GGH: variants seen among roughly 807,000 people sequenced by gnomAD.
GGH encodes the protein gamma-Glu-X carboxypeptidase.
Under a neutral mutation model 39.2 loss-of-function variants are expected in GGH, and 18 were observed. The ratio of observed to expected loss-of-function variants is 0.46; its 90% confidence interval spans 0.32 to 0.68. The LOEUF (loss-of-function observed/expected upper bound fraction) is 0.68. Among genes scored for constraint, GGH ranks in the 30% least tolerant of loss-of-function variants. GGH has a pLI of 0.04. For synonymous variants in GGH, 147 were observed against 138.8 expected, an observed-to-expected ratio of 1.06 and a Z score of -0.42; for missense variants, 367 against 384.1, an observed-to-expected ratio of 0.96 and a Z score of 0.37.
chr8:63,038,588 C>CGG, intron 1 of GGH, 72 bp downstream of exon 1: 11 of 754,188 alleles, frequency 1.5e-5, no homozygotes, highest in East Asian at 3.3e-5. Context: ...AGCTGGAGCG[C>CGG]GGCGGCGGGA....
Position 63,026,229 on chromosome 8 carries a change from A to G in GGH, c.428T>C (p.Leu143Pro). 6.2e-7 allele frequency: 1 copy of G among 1,610,438 alleles called. No individual in the cohort carries two copies. The stretch of plus-strand genomic sequence containing the variant: ...AGTTAATAAGCACTCTCCACTAATC[A>G]GCAGTGAAAGCTCTTCAAATCCAAG... Reference protein sequence around the residue: ...TCLGFEELSLLISGECLLTAT... With the variant: ...TCLGFEELSLPISGECLLTAT... Residue 143 changes from leucine to proline, a missense_variant, in exon 5 of 9, where the codon CTG (leucine) becomes CCG (proline). Leu to Pro is a moderately conservative substitution (Grantham distance 98). Transcript: ENST00000260118.
At chr8:63,038,548 A>C (rs1804954127) in intron 1 of GGH, 112 bp downstream of exon 1, 3 of 532,880 alleles carry the variant, frequency 5.6e-6, no homozygotes, top group Admixed American at 3.7e-5. Flanking sequence ...AGCGAAGCAC[A>C]TCTGGGGGTT....
intron 2 of GGH, among the ~76,000 whole-genome samples, chr8:63,030,692 T>C (rs924160589): frequency 2.0e-5 from 3 of 152,164 alleles, no homozygotes; most frequent in African/African-American, 7.2e-5. Context: ...AACAAACTAG[T>C]TGCAACAGTC....
chr8:63,016,657 G>C (rs1490440956), intron 8 of GGH, among the ~76,000 whole-genome samples: 1 of 152,168 alleles, frequency 6.6e-6, no homozygotes, highest in African/African-American at 2.4e-5. Context: ...ATGTTATAAT[G>C]AAACGACTTC....
At position 63,016,045 on chromosome 8, in the gene GGH, G is replaced by C. The variant is rs768760361; in HGVS notation, c.836-592C>G. Reference sequence around the variant, plus strand: ...ACAGAGAAGTGAGACATTTTCACTGGTAAGGCAGCATTATGAAAAACCAGG... The same window carrying C: ...ACAGAGAAGTGAGACATTTTCACTGCTAAGGCAGCATTATGAAAAACCAGG... On this transcript the variant is annotated intron_variant, in intron 8 of 8. Transcript: ENST00000260118. 7.9e-5 allele frequency among the ~76,000 whole-genome samples: 12 copies of C among 152,184 alleles called. No homozygotes were observed. In the South Asian group the frequency reaches 1.0e-3, roughly 13 times the overall value.
chr8:63,015,559 T>C (rs903730668), intron 8 of GGH, 106 bp from the exon 9 acceptor site: 20 of 620,940 alleles, frequency 3.2e-5, no homozygotes, highest in African/African-American at 2.5e-4. Flanking sequence ...TGGGAAAATA[T>C]CAACAAGAAG....
intron 7 of GGH, 195 bp downstream of exon 7, chr8:63,023,712 A>C (rs1804635661): frequency 2.7e-6 from 1 of 366,760 alleles, no homozygotes; most frequent in African/African-American, 2.1e-5. Context: ...CTTCTTCACC[A>C]CCCCATTCAG....
intron 1 of GGH, 87 bp downstream of exon 1, chr8:63,038,573 G>C (rs1585676825): frequency 7.6e-6 from 5 of 657,296 alleles, no homozygotes; most frequent in African/African-American, 1.9e-5. Context: ...CCGGCGGGAC[G>C]CGCCAGCTGG....
chr8:63,020,385 C>A, intron 7 of GGH, among the ~76,000 whole-genome samples: 1 of 152,158 alleles, frequency 6.6e-6, no homozygotes, highest in East Asian at 1.9e-4. Context: ...AATAATTAGG[C>A]ATTCATTCAA....
At chr8:63,021,964 A>G (rs997628329) in intron 7 of GGH, among the ~76,000 whole-genome samples, 4 of 152,170 alleles carry the variant, frequency 2.6e-5, no homozygotes, top group African/African-American at 9.7e-5. Context: ...GTGAGCCACC[A>G]TGCCCAGACC....
At chr8:63,021,866 G>A (rs1479745386) in intron 7 of GGH, among the ~76,000 whole-genome samples, 1 of 151,734 alleles carries the variant, frequency 6.6e-6, no homozygotes, top group Non-Finnish European at 1.5e-5. Context: ...TAGAGACGGG[G>A]TTTCGCCATG....
Position 63,038,689 on chromosome 8 carries a change from T to TG in GGH, c.79dup (p.His27ProfsTer19). On this transcript the variant is annotated frameshift_variant, in exon 1 of 9. Coordinates refer to ENST00000260118, the MANE Select transcript of GGH (RefSeq NM_003878.3). LOFTEE classifies it high-confidence loss of function. ...GATGGGCTTCTTGGCGGTGTCGCCGTGGGGTCTAGACAGCTCGAGGCTCGC... is the reference window on the plus strand; with the variant it reads ...GATGGGCTTCTTGGCGGTGTCGCCGTGGGGGTCTAGACAGCTCGAGGCTCGC... 6.5e-7 allele frequency: 1 copy of TG among 1,540,148 alleles called. No individual in the cohort carries two copies. The highest frequency in any genetic ancestry group is 8.8e-7 in the Non-Finnish European group (1 of 1,137,124).
intron 1 of GGH, among the ~76,000 whole-genome samples, chr8:63,037,557 T>G (rs966562973): frequency 6.6e-6 from 1 of 152,190 alleles, no homozygotes; most frequent in African/African-American, 2.4e-5. Context: ...TTTCAATCCT[T>G]TGCACTTCCC....
At chr8:63,021,691 T>TTTTTC (rs1290766028) in intron 7 of GGH, among the ~76,000 whole-genome samples, 3 of 148,690 alleles carry the variant, frequency 2.0e-5, no homozygotes, top group Non-Finnish European at 4.5e-5. Flanking sequence ...TTTTTTTTTT[T>TTTTTC]TGAGGCAGAG....
chr8:63,030,184 A>G lies in GGH; in HGVS notation c.258T>C (p.Leu86=). ...CAACTTACCCATTAATAGATTTGAA[A>G]AGTATTTCATAGTCTTTCTCTGTAA... ...LDLTEKDYEI[L]FKSINGILFP... The change falls in exon 3 of 9, where the codon CTT becomes CTC. Residue 86 remains leucine (L), a synonymous_variant. Transcript: ENST00000260118. 4.2e-6 allele frequency: 6 copies of G among 1,435,156 alleles called. No individual in the cohort carries two copies. Among genetic ancestry groups the G allele is most frequent in the Non-Finnish European group, 5.9e-6 (6 of 1,017,656 alleles). 88.9% of individuals were successfully genotyped at this position (1,435,156 alleles called of 1,614,324 possible).
Position 63,026,216 on chromosome 8 carries a change from C to T in GGH, c.441G>A (p.Glu147=). The change falls in exon 5 of 9, where the codon GAG becomes GAA. Residue 147 remains glutamate (E), a synonymous_variant. Transcript: ENST00000260118. ...CAGTATCTGTGGCAGTTAATAAGCACTCTCCACTAATCAGCAGTGAAAGCT... is the reference window on the plus strand; with the variant it reads ...CAGTATCTGTGGCAGTTAATAAGCATTCTCCACTAATCAGCAGTGAAAGCT... The part of the protein sequence containing the change: ...FEELSLLISG[E]CLLTATDTVD... 6.2e-7 allele frequency: 1 copy of T among 1,611,124 alleles called. No individual in the cohort carries two copies.
chr8:63,016,678 G>A (rs1804492758), intron 8 of GGH, among the ~76,000 whole-genome samples: 1 of 152,198 alleles, frequency 6.6e-6, no homozygotes, highest in African/African-American at 2.4e-5. Flanking sequence ...AAAGTAAACA[G>A]TGTTGTTCAA....
rs972340764 is a variant in GGH at position 63,015,306 on chromosome 8, T to C, written c.*26A>G. The stretch of plus-strand genomic sequence containing the variant: ...AGTTTAATCATGGAATTATTCAAAT[T>C]TGCTCTGTTAACAAATTGAAGACTT... On this transcript the variant is annotated 3_prime_UTR_variant, in exon 9 of 9. Coordinates refer to ENST00000260118, the MANE Select transcript of GGH (RefSeq NM_003878.3). 2 of 1,192,442 alleles carry C rather than the reference T, an allele frequency of 1.7e-6. No homozygotes were observed. Among genetic ancestry groups the C allele is most frequent in the South Asian group, 2.7e-5 (2 of 73,808 alleles). 73.9% of individuals were successfully genotyped at this position (1,192,442 alleles called of 1,614,324 possible).
intron 7 of GGH, 148 bp downstream of exon 7, chr8:63,023,759 T>TG: frequency 2.1e-6 from 1 of 483,038 alleles, no homozygotes; most frequent in Non-Finnish European, 3.4e-6. Context: ...ATTTGAAACA[T>TG]GGACAAAACA....
Sources: allele counts gnomAD v4.1 joint callset (sites outside exome capture counted in the v4.1 genomes callset), GRCh38; gene constraint gnomAD v4.1.1; transcripts MANE v1.5; gene names NCBI Gene and HGNC (gene_info 2026-07-23, HGNC 2026-07-21).